Variants in DYSF observed in about 807,000 individuals in gnomAD.
DYSF encodes dysferlin, also known as dystrophy-associated fer-1-like 1.
Under a neutral mutation model 274.9 loss-of-function variants are expected in DYSF, and 212 were observed. The observed-to-expected ratio is 0.77, with a 90% CI of 0.69 to 0.86. The LOEUF (loss-of-function observed/expected upper bound fraction) is 0.86. Among genes scored for constraint, DYSF ranks in the 40% least tolerant of loss-of-function variants. The pLI is 0.00. For missense variants in DYSF, 2,666 were observed against 2,783.2 expected, an observed-to-expected ratio of 0.96 and a Z score of 0.95; for synonymous variants, 1,091 against 1,078.7, an observed-to-expected ratio of 1.01 and a Z score of -0.22.
In DYSF at chr2:71,590,215, G is replaced by T. The variant is rs138317526; in HGVS notation, c.3501G>T (p.Gly1167=). 8.7e-6 allele frequency: 14 copies of T among 1,614,002 alleles called. No homozygotes were observed. The East Asian group carries it at 2.7e-4, about 31-fold the overall frequency. The change falls in exon 32 of 56, where the codon GGG becomes GGT. Residue 1167 remains glycine (G), a synonymous_variant. Coordinates refer to ENST00000410020, the MANE Select transcript of DYSF (RefSeq NM_001130987.2). Reference sequence around the variant, plus strand: ...CTGTTTTTTCCCTTGGTGAAGATGGGAACCGCTACCATCTACGCTGCTACA... The same window carrying T: ...CTGTTTTTTCCCTTGGTGAAGATGGTAACCGCTACCATCTACGCTGCTACA... ...RPTISCIFDY[G]NRYHLRCYMY...
chr2:71,624,881 A>G (rs1201387371), intron 41 of DYSF, among the ~76,000 whole-genome samples: 1 of 151,490 alleles, frequency 6.6e-6, no homozygotes, highest in East Asian at 1.9e-4. Context: ...GGATTCTTTG[A>G]TCATTTTGTA....
chr2:71,631,714 G>A (rs916010153), intron 41 of DYSF, among the ~76,000 whole-genome samples: 2 of 152,022 alleles, frequency 1.3e-5, no homozygotes, highest in East Asian at 1.9e-4. Flanking sequence ...CATACTTCAC[G>A]GTCTCTCCTG....
chr2:71,533,691 T>G (rs985061984), intron 14 of DYSF, among the ~76,000 whole-genome samples: 1 of 152,214 alleles, frequency 6.6e-6, no homozygotes, highest in Non-Finnish European at 1.5e-5. Context: ...AGTGGCCAAT[T>G]GTCCTCTGAA....
rs750520808 is a variant in DYSF, at chr2:71,660,615, A to G, written c.4967A>G (p.Asn1656Ser). ...AAGAAATCAGTGAGTGACCAGGATA[A>G]CTACATCCCCTGCACGCTGGAGCCC... ...IGKKSVSDQD[N>S]YIPCTLEPVF... Residue 1656 changes from asparagine to serine, a missense_variant, in exon 45 of 56, where the codon AAC becomes AGC. Physicochemically the swap from Asn to Ser is conservative, Grantham distance 46. Coordinates refer to ENST00000410020, the MANE Select transcript of DYSF (RefSeq NM_001130987.2). 11 of 1,614,032 alleles carry G rather than the reference A, an allele frequency of 6.8e-6. No individual in the cohort carries two copies. In the South Asian group the frequency reaches 1.1e-4, roughly 16 times the overall value.
chr2:71,641,096 GC>G (rs2152921790), intron 41 of DYSF, among the ~76,000 whole-genome samples: 2 of 151,356 alleles, frequency 1.3e-5, no homozygotes, highest in South Asian at 4.2e-4. Flanking sequence ...TTCATTGTCT[GC>G]TATAATATCT....
chr2:71,513,179 G>T (rs1013858208), intron 5 of DYSF, 61 bp from the exon 6 acceptor site: 45 of 1,482,838 alleles, frequency 3.0e-5, no homozygotes, highest in Non-Finnish European at 4.1e-5. Context: ...GCAGTAGGTT[G>T]GTTTCCTTCA....
chr2:71,504,220 A>G (rs1332699047), intron 4 of DYSF, among the ~76,000 whole-genome samples: 2 of 152,136 alleles, frequency 1.3e-5, no homozygotes, highest in South Asian at 4.1e-4. Context: ...GGCCTGGACC[A>G]GGAGCTCATC....
At chr2:71,548,999 A>G (rs1022322774) in intron 17 of DYSF, among the ~76,000 whole-genome samples, 106 of 152,088 alleles carry the variant, frequency 7.0e-4, no homozygotes, top group African/African-American at 2.5e-3. Context: ...TCTGGCTATC[A>G]TATGGAAAAG....
At chr2:71,568,957 C>G (rs2092275255) in intron 26 of DYSF, among the ~76,000 whole-genome samples, 2 of 151,976 alleles carry the variant, frequency 1.3e-5, no homozygotes, top group South Asian at 4.1e-4. Context: ...ACTGCAACCT[C>G]CACCTCCCGG....
intron 47 of DYSF, 98 bp downstream of exon 47, chr2:71,665,402 A>G: frequency 6.6e-7 from 1 of 1,519,686 alleles, no homozygotes; most frequent in Non-Finnish European, 9.1e-7. Flanking sequence ...AAGCGGACAT[A>G]ACCCACAGCA....
intron 3 of DYSF, among the ~76,000 whole-genome samples, chr2:71,491,731 A>G (rs1431645131): frequency 1.3e-5 from 2 of 152,226 alleles, no homozygotes; most frequent in Non-Finnish European, 2.9e-5. Flanking sequence ...TGTTCCTGCA[A>G]AGGACATGAT....
At chr2:71,586,518 C>G (rs573184309) in intron 30 of DYSF, among the ~76,000 whole-genome samples, 1 of 151,968 alleles carries the variant, frequency 6.6e-6, no homozygotes, top group South Asian at 2.1e-4. Context: ...GGTTCCTCCC[C>G]CTGCAGGACA....
intron 16 of DYSF, 94 bp downstream of exon 16, chr2:71,535,405 T>G (rs937777280): frequency 3.8e-6 from 5 of 1,310,666 alleles, no homozygotes; most frequent in Non-Finnish European, 5.5e-6. Flanking sequence ...GTAGTAAGAG[T>G]GTGAGGGAGA....
intron 42 of DYSF, among the ~76,000 whole-genome samples, chr2:71,655,339 G>C (rs1397355422): frequency 6.6e-6 from 1 of 152,110 alleles, no homozygotes; most frequent in African/African-American, 2.4e-5. Flanking sequence ...TATTAGAAAA[G>C]ATAGAACTTG....
chr2:71,657,811 C>T lies in DYSF; in HGVS notation c.4756-1067C>T, dbSNP rs180997609. Among the ~76,000 whole-genome samples the T allele has an allele frequency of 2.2e-3, 338 of 152,234 alleles. 6 individuals are homozygous for T. The highest frequency in any genetic ancestry group is 8.8e-4 in the Non-Finnish European group (60 of 68,014). On this transcript the variant is annotated intron_variant, in intron 43 of 55. Transcript: ENST00000410020. ...GCACATAGCACAGGGACCCTGGGCC[C>T]GGCCCACAAAACCACTTTTTCCTCC...
At chr2:71,527,576 C>T (rs907876369) in intron 13 of DYSF, among the ~76,000 whole-genome samples, 2 of 121,368 alleles carry the variant, frequency 1.6e-5, no homozygotes, top group Non-Finnish European at 3.4e-5. Flanking sequence ...TGTTGAATTC[C>T]CTGCAACGTT....
At chr2:71,675,304 A>C (rs1464451342) in intron 52 of DYSF, among the ~76,000 whole-genome samples, 2 of 152,206 alleles carry the variant, frequency 1.3e-5, no homozygotes, top group African/African-American at 2.4e-5. Context: ...TGGTGCATTT[A>C]TGTGAGGTGG....
At chr2:71,572,785 T>A (rs1456445102) in intron 29 of DYSF, among the ~76,000 whole-genome samples, 1 of 152,198 alleles carries the variant, frequency 6.6e-6, no homozygotes. Flanking sequence ...AGCAGGTGGC[T>A]TCTGGGAGCT....
intron 36 of DYSF, among the ~76,000 whole-genome samples, chr2:71,607,173 T>G (rs2093663071): frequency 6.6e-6 from 1 of 152,112 alleles, no homozygotes; most frequent in Admixed American, 6.5e-5. Flanking sequence ...CAGGAAAGAT[T>G]TAAATGGACA....
Sources: allele counts gnomAD v4.1 joint callset (sites outside exome capture counted in the v4.1 genomes callset), GRCh38; gene constraint gnomAD v4.1.1; transcripts MANE v1.5; gene names NCBI Gene and HGNC (gene_info 2026-07-23, HGNC 2026-07-21).